The following FAM193A variants were observed in gnomAD, a reference collection of about 807,000 sequenced individuals.
FAM193A encodes the protein family with sequence similarity 193 member A.
Under a neutral mutation model 126.5 loss-of-function variants are expected in FAM193A, and 22 were observed. The ratio of observed to expected loss-of-function variants is 0.17; its 90% confidence interval spans 0.12 to 0.25. The LOEUF (loss-of-function observed/expected upper bound fraction) is 0.25, where lower values mean the gene tolerates loss of function less well. Ranked by LOEUF, FAM193A falls within the 10% of genes least tolerant of loss-of-function variation. The probability of loss-of-function intolerance (pLI) is 1.00; values close to 1 mark genes in which losing one functional copy is unlikely to be tolerated. For missense variants in FAM193A, 1,675 were observed against 1,672.8 expected, an observed-to-expected ratio of 1.00 and a Z score of -0.02; for synonymous variants, 761 against 646.8, an observed-to-expected ratio of 1.18 and a Z score of -2.68.
intron 1 of FAM193A, among the ~76,000 whole-genome samples, chr4:2,587,902 A>G (rs1295931864): frequency 6.6e-6 from 1 of 152,058 alleles, no homozygotes; most frequent in Non-Finnish European, 1.5e-5. Context: ...AGAAAGAGAA[A>G]GTGATGATAT....
At chr4:2,700,611 A>G (rs998922264) in intron 19 of FAM193A, 67 bp downstream of exon 19, 1 of 1,542,344 alleles carries the variant, frequency 6.5e-7, no homozygotes, top group African/African-American at 1.4e-5. Context: ...ATGTGCTAGT[A>G]TAGGAAAACA....
At chr4:2,562,468 G>A (rs1267079845) in intron 1 of FAM193A, among the ~76,000 whole-genome samples, 4 of 151,998 alleles carry the variant, frequency 2.6e-5, no homozygotes, top group African/African-American at 4.8e-5. Context: ...TTAAAATTTC[G>A]ACGACTGCTC....
rs775730008 is a variant in FAM193A, at chr4:2,646,807, G to A, written c.1286G>A (p.Arg429Lys). ...GAGGAGTGGCTGGAGTGCCAGAAGA[G>A]GATCGACGCCTATGTCGACGAGCAG... ...VAEEWLECQKRIDAYVDEQMT... is the reference protein window; with the variant it reads ...VAEEWLECQKKIDAYVDEQMT... Residue 429 changes from arginine (R) to lysine (K), a missense_variant, in exon 7 of 21, where the codon AGG (arginine) becomes AAG (lysine). By Grantham distance (26) the Arg-to-Lys change is conservative. Coordinates refer to ENST00000637812, the MANE Select transcript of FAM193A (RefSeq NM_001366318.2). The A allele has an allele frequency of 1.9e-6, 3 of 1,613,412 alleles. No homozygotes were observed. Among genetic ancestry groups the A allele is most frequent in the South Asian group, 1.1e-5 (1 of 90,992 alleles).
chr4:2,692,226 A>ACC (rs1351397114), intron 15 of FAM193A, among the ~76,000 whole-genome samples: 1 of 152,194 alleles, frequency 6.6e-6, no homozygotes, highest in East Asian at 1.9e-4. Context: ...GGTGGAAAGC[A>ACC]CCTCTTCACG....
intron 19 of FAM193A, among the ~76,000 whole-genome samples, 194 bp downstream of exon 19, chr4:2,700,738 A>T (rs971782419): frequency 1.8e-4 from 28 of 152,158 alleles, no homozygotes; most frequent in Non-Finnish European, 1.5e-5. Context: ...GGGTGGGCAG[A>T]TCACCAGAGG....
At chr4:2,719,160 C>CA (rs1719847996) in intron 20 of FAM193A, among the ~76,000 whole-genome samples, 1 of 152,158 alleles carries the variant, frequency 6.6e-6, no homozygotes, top group Non-Finnish European at 1.5e-5. Flanking sequence ...ACAGGTTTAT[C>CA]TCACTCATAT....
chr4:2,599,679 A>C (rs576325990), intron 2 of FAM193A, among the ~76,000 whole-genome samples: 1 of 152,124 alleles, frequency 6.6e-6, no homozygotes, highest in East Asian at 1.9e-4. Flanking sequence ...CTCCATTTCA[A>C]ACTTTCATCT....
At chr4:2,709,366 C>T (rs966663448) in intron 19 of FAM193A, among the ~76,000 whole-genome samples, 6 of 152,164 alleles carry the variant, frequency 3.9e-5, no homozygotes, top group African/African-American at 1.4e-4. Context: ...TTTGTTCTGT[C>T]TGTATTAGCT....
At chr4:2,604,043 A>C (rs879408983) in intron 2 of FAM193A, among the ~76,000 whole-genome samples, 35 of 152,042 alleles carry the variant, frequency 2.3e-4, no homozygotes, top group Middle Eastern at 3.4e-3. Context: ...GGGTTTTACC[A>C]TGTTGGCCAG....
chr4:2,656,788 G>T (rs764862081), intron 7 of FAM193A, among the ~76,000 whole-genome samples: 5 of 152,196 alleles, frequency 3.3e-5, no homozygotes, highest in Non-Finnish European at 7.3e-5. Context: ...GGACAAAATA[G>T]CCCATGAGCC....
At chr4:2,542,423 C>T (rs1160166874) in intron 1 of FAM193A, among the ~76,000 whole-genome samples, 2 of 152,176 alleles carry the variant, frequency 1.3e-5, no homozygotes, top group Non-Finnish European at 2.9e-5. Flanking sequence ...GAATTACAGG[C>T]GTGAGCCACT....
intron 4 of FAM193A, among the ~76,000 whole-genome samples, chr4:2,629,879 T>TA (rs914632741): frequency 6.6e-6 from 1 of 152,060 alleles, no homozygotes; most frequent in Non-Finnish European, 1.5e-5. Context: ...CGCCTGTAAG[T>TA]CCCAGTACTT....
intron 1 of FAM193A, among the ~76,000 whole-genome samples, chr4:2,593,515 G>A (rs1241041617): frequency 6.6e-6 from 1 of 152,156 alleles, no homozygotes; most frequent in Non-Finnish European, 1.5e-5. Context: ...TATTTAATTA[G>A]TTAATTTTTT....
chr4:2,621,893 A>G (rs1742566052), intron 2 of FAM193A, among the ~76,000 whole-genome samples: 1 of 152,244 alleles, frequency 6.6e-6, no homozygotes, highest in South Asian at 2.1e-4. Flanking sequence ...TCAGAACTCC[A>G]TGGCCTTCCA....
rs1316386600 is a variant in FAM193A, at chr4:2,657,855, A to G, written c.1364A>G (p.Lys455Arg). 3 of 1,612,602 alleles carry G rather than the reference A, an allele frequency of 1.9e-6. No individual in the cohort carries two copies. The African/African-American group carries it at 4.0e-5, about 22-fold the overall frequency. The stretch of plus-strand genomic sequence containing the variant: ...TTAACAGAAGACTGGGAGCTTTTTA[A>G]ACAAAGAAGATTCATTGAAGAACAG... Reference protein sequence around the residue: ...RMLTEDWELFKQRRFIEEQLT... With the variant: ...RMLTEDWELFRQRRFIEEQLT... Residue 455 changes from lysine (K) to arginine (R), a missense_variant, in exon 8 of 21, where the codon AAA becomes AGA. By Grantham distance (26) the Lys-to-Arg change is conservative (BLOSUM62 2). Coordinates refer to ENST00000637812, the MANE Select transcript of FAM193A (RefSeq NM_001366318.2).
intron 1 of FAM193A, among the ~76,000 whole-genome samples, chr4:2,592,441 A>G (rs114517654): frequency 0.03 from 4,576 of 152,292 alleles, 242 homozygotes; most frequent in African/African-American, 0.1. Context: ...GCTTCCAAGC[A>G]AGAGGTAGTA....
chr4:2,554,030 G>A (rs1199395611), intron 1 of FAM193A, among the ~76,000 whole-genome samples: 1 of 152,128 alleles, frequency 6.6e-6, no homozygotes, highest in Admixed American at 6.6e-5. Context: ...TTCATCAGCA[G>A]TGTGAAAATG....
At chr4:2,669,974 G>T (rs1713600018) in intron 12 of FAM193A, among the ~76,000 whole-genome samples, 1 of 152,124 alleles carries the variant, frequency 6.6e-6, no homozygotes, top group African/African-American at 2.4e-5. Context: ...TGAGCTTCTT[G>T]GATCTGTAGA....
chr4:2,661,742 G>A (rs1410457171), intron 10 of FAM193A, among the ~76,000 whole-genome samples: 2 of 152,186 alleles, frequency 1.3e-5, no homozygotes, highest in East Asian at 3.9e-4. Flanking sequence ...GGAGGTTGCT[G>A]TGTGCCCAGG....
Sources: allele counts gnomAD v4.1 joint callset (sites outside exome capture counted in the v4.1 genomes callset), GRCh38; gene constraint gnomAD v4.1.1; transcripts MANE v1.5; gene names NCBI Gene and HGNC (gene_info 2026-07-23, HGNC 2026-07-21).